Variants in RASGEF1C observed in about 807,000 individuals in gnomAD.
RASGEF1C encodes ras-GEF domain-containing family member 1C.
A neutral mutation model predicts 58.1 loss-of-function variants in RASGEF1C; 27 were observed. That is an observed-to-expected ratio of 0.46 (90% CI 0.34 to 0.64). RASGEF1C has a LOEUF of 0.64. Among genes scored for constraint, RASGEF1C ranks in the 30% least tolerant of loss-of-function variants. The probability of loss-of-function intolerance (pLI) is 0.01; values close to 1 mark genes in which losing one functional copy is unlikely to be tolerated. For synonymous variants in RASGEF1C, 243 were observed against 246.3 expected (o/e 0.99, Z 0.13); for missense variants, 502 against 605.1 (o/e 0.83, Z 1.79).
intron 1 of RASGEF1C, among the ~76,000 whole-genome samples, chr5:180,150,068 C>CT (rs35924276): frequency 2.6e-5 from 4 of 152,060 alleles, no homozygotes; most frequent in Non-Finnish European, 5.9e-5. Flanking sequence ...CTTTTTCAAT[C>CT]TTTTTTATTT....
At chr5:180,170,369 G>A (rs529121042) in intron 1 of RASGEF1C, among the ~76,000 whole-genome samples, 25 of 152,322 alleles carry the variant, frequency 1.6e-4, no homozygotes, top group African/African-American at 5.5e-4. Flanking sequence ...GAAAACAAGC[G>A]TCCTATTTAC....
At chr5:180,123,987 A>G (rs1766215761) in intron 6 of RASGEF1C, among the ~76,000 whole-genome samples, 1 of 152,178 alleles carries the variant, frequency 6.6e-6, no homozygotes, top group African/African-American at 2.4e-5. Flanking sequence ...AAATTACAAA[A>G]CAGACTAAAG....
intron 1 of RASGEF1C, among the ~76,000 whole-genome samples, chr5:180,140,180 G>A (rs1050042125): frequency 6.6e-6 from 1 of 152,338 alleles, no homozygotes; most frequent in South Asian, 2.1e-4. Flanking sequence ...GCTGGAGCCA[G>A]GGGTGGTGGT....
At chr5:180,193,783 AC>A (rs1343548654) in intron 1 of RASGEF1C, among the ~76,000 whole-genome samples, 1 of 152,192 alleles carries the variant, frequency 6.6e-6, no homozygotes, top group Admixed American at 6.5e-5. Context: ...ATTAGATGAT[AC>A]CAAGAAATTA....
chr5:180,113,966 TGGA>T (rs1766021519), intron 11 of RASGEF1C, among the ~76,000 whole-genome samples: 1 of 152,108 alleles, frequency 6.6e-6, no homozygotes, highest in Non-Finnish European at 1.5e-5. Context: ...GGGGGCTTCC[TGGA>T]GGAGGAGACA....
At chr5:180,109,183 G>T (rs12519653) in intron 12 of RASGEF1C, among the ~76,000 whole-genome samples, 7 of 151,988 alleles carry the variant, frequency 4.6e-5, no homozygotes, top group Non-Finnish European at 7.4e-5. Flanking sequence ...AGGGCCAGGC[G>T]TGGTGGCTCA....
intron 1 of RASGEF1C, among the ~76,000 whole-genome samples, chr5:180,173,102 G>A (rs1004091868): frequency 2.0e-5 from 3 of 152,218 alleles, no homozygotes; most frequent in East Asian, 1.9e-4. Context: ...TTGACAAGCC[G>A]CCTGGGTGTC....
intron 1 of RASGEF1C, among the ~76,000 whole-genome samples, chr5:180,204,032 A>C (rs1756448668): frequency 7.5e-6 from 1 of 134,092 alleles, no homozygotes; most frequent in African/African-American, 2.8e-5. Context: ...ACAACAACAA[A>C]GTGAAATCTG....
At chr5:180,184,662 T>C (rs1344467396) in intron 1 of RASGEF1C, among the ~76,000 whole-genome samples, 1 of 152,190 alleles carries the variant, frequency 6.6e-6, no homozygotes, top group African/African-American at 2.4e-5. Flanking sequence ...AAATGCTGTC[T>C]ACAAGAACCC....
chr5:180,127,927 C>G (rs1463087386), intron 5 of RASGEF1C, among the ~76,000 whole-genome samples: 1 of 152,248 alleles, frequency 6.6e-6, no homozygotes, highest in Non-Finnish European at 1.5e-5. Flanking sequence ...AGGCGTGACG[C>G]CCAGGGAAGC....
chr5:180,182,183 C>G (rs556272013), intron 1 of RASGEF1C, among the ~76,000 whole-genome samples: 2 of 100,596 alleles, frequency 2.0e-5, no homozygotes, highest in East Asian at 6.5e-4. Context: ...CCAGCCTGGG[C>G]AACAGAGCAA....
At chr5:180,195,437 T>G (rs1756248506) in intron 1 of RASGEF1C, among the ~76,000 whole-genome samples, 1 of 152,082 alleles carries the variant, frequency 6.6e-6, no homozygotes. Context: ...ATTTGCTACA[T>G]GAAAAGCTTA....
intron 12 of RASGEF1C, among the ~76,000 whole-genome samples, chr5:180,109,081 T>A (rs961341398): frequency 1.3e-5 from 2 of 152,148 alleles, no homozygotes; most frequent in Non-Finnish European, 2.9e-5. Context: ...CCTCTATGCC[T>A]CTCCTCATGT....
chr5:180,132,760 G>A (rs1401504363), intron 4 of RASGEF1C, among the ~76,000 whole-genome samples: 1 of 152,158 alleles, frequency 6.6e-6, no homozygotes, highest in Non-Finnish European at 1.5e-5. Flanking sequence ...CACGAGGTCA[G>A]GAGTTCGAGA....
chr5:180,114,336 A>T, intron 11 of RASGEF1C, 110 bp downstream of exon 11: 1 of 1,037,232 alleles, frequency 9.6e-7, no homozygotes, highest in Non-Finnish European at 1.4e-6. Context: ...TGAACTGCTC[A>T]TTCTGCCCCA....
intron 1 of RASGEF1C, among the ~76,000 whole-genome samples, chr5:180,166,693 T>TTAC (rs1013776238): frequency 6.6e-6 from 1 of 151,960 alleles, no homozygotes; most frequent in African/African-American, 2.4e-5. Flanking sequence ...TTTTTGTAGT[T>TTAC]TTAGTAGAGA....
intron 1 of RASGEF1C, among the ~76,000 whole-genome samples, chr5:180,203,509 T>G (rs1359467023): frequency 6.6e-6 from 1 of 152,132 alleles, no homozygotes; most frequent in African/African-American, 2.4e-5. Context: ...ACCACATGAG[T>G]GGAGAAGCAA....
At chr5:180,113,800 C>T (rs900786386) in intron 11 of RASGEF1C, among the ~76,000 whole-genome samples, 10 of 150,776 alleles carry the variant, frequency 6.6e-5, no homozygotes, top group African/African-American at 2.2e-4. Context: ...ATGGAGGGAC[C>T]GAGGATGGAT....
chr5:180,205,449 C>T (rs1756470543), intron 1 of RASGEF1C, among the ~76,000 whole-genome samples: 1 of 152,116 alleles, frequency 6.6e-6, no homozygotes, highest in Admixed American at 6.5e-5. Flanking sequence ...AACAGAAAGA[C>T]ATCTCTCAGT....
Sources: gnomAD v4.1 joint callset for allele counts (sites outside exome capture counted in the v4.1 genomes callset) on GRCh38, gnomAD v4.1.1 for gene constraint, MANE v1.5 for transcripts, NCBI Gene and HGNC (gene_info 2026-07-23, HGNC 2026-07-21) for gene names.